Variants in SPATA6L observed in about 807,000 individuals in gnomAD.
SPATA6L encodes spermatogenesis associated 6-like protein.
Under a neutral mutation model 49.2 loss-of-function variants are expected in SPATA6L, and 68 were observed. The ratio of observed to expected loss-of-function variants is 1.38; its 90% CI spans 1.14 to 1.69. The LOEUF (loss-of-function observed/expected upper bound fraction) is 1.69. Among genes scored for constraint, SPATA6L ranks in the 40% most tolerant of loss-of-function variants. The probability of loss-of-function intolerance (pLI) is 0.00; values close to 1 mark genes in which losing one functional copy is unlikely to be tolerated. For synonymous variants in SPATA6L, 198 were observed against 165.7 expected, an observed-to-expected ratio of 1.19 and a Z score of -1.50; for missense variants, 668 against 464.3, an observed-to-expected ratio of 1.44 and a Z score of -4.03.
intron 7 of SPATA6L, among the ~76,000 whole-genome samples, chr9:4,619,985 C>A (rs1168032726): frequency 1.3e-5 from 2 of 152,154 alleles, no homozygotes; most frequent in Non-Finnish European, 2.9e-5. Context: ...CAGGCAATGA[C>A]AAGGGACTTT....
chr9:4,648,198 T>C (rs1017846449), intron 3 of SPATA6L, among the ~76,000 whole-genome samples: 1 of 152,028 alleles, frequency 6.6e-6, no homozygotes, highest in African/African-American at 2.4e-5. Flanking sequence ...CGAAAAAAAT[T>C]TGAATTCATA....
At chr9:4,648,624 C>T (rs1468600432) in intron 3 of SPATA6L, among the ~76,000 whole-genome samples, 6 of 151,652 alleles carry the variant, frequency 4.0e-5, no homozygotes, top group South Asian at 2.1e-4. Flanking sequence ...GGCGTGAACC[C>T]GGGAGGCAGA....
downstream of SPATA6L, among the ~76,000 whole-genome samples, chr9:4,596,961 A>G (rs1207646461): frequency 6.6e-6 from 1 of 152,190 alleles, no homozygotes; most frequent in African/African-American, 2.4e-5. Flanking sequence ...TGAGAATAAG[A>G]ATAGCTAATG....
At chr9:4,637,694 G>A (rs901464092) in intron 3 of SPATA6L, among the ~76,000 whole-genome samples, 4 of 151,536 alleles carry the variant, frequency 2.6e-5, no homozygotes, top group African/African-American at 9.7e-5. Context: ...GATGAGTGGT[G>A]AAGTGCAGCA....
intron 9 of SPATA6L, among the ~76,000 whole-genome samples, chr9:4,614,093 G>A (rs1239663541): frequency 1.3e-5 from 2 of 152,188 alleles, no homozygotes; most frequent in Non-Finnish European, 2.9e-5. Flanking sequence ...TGAGTCAACA[G>A]ATGGGAGCAG....
intron 4 of SPATA6L, chr9:4,633,743 T>C (rs990681660): frequency 2.0e-5 from 3 of 152,376 alleles, no homozygotes; most frequent in African/African-American, 7.2e-5. Context: ...CTCTGTGAGC[T>C]TCTACTTCTG....
At chr9:4,646,376 TTGTA>T (rs1194874883) in intron 3 of SPATA6L, 1 of 613,290 alleles carries the variant, frequency 1.6e-6, no homozygotes, top group Non-Finnish European at 2.7e-6. Flanking sequence ...ACACATAAAG[TTGTA>T]TGTTATTTTC....
chr9:4,628,147 AC>A (rs1830702976), intron 5 of SPATA6L: 1 of 196,442 alleles, frequency 5.1e-6, no homozygotes, highest in South Asian at 7.8e-5. Context: ...GTTAAAGGGC[AC>A]AAAAAAAAAA....
intron 4 of SPATA6L, among the ~76,000 whole-genome samples, chr9:4,631,391 T>C (rs1265060912): frequency 6.6e-6 from 1 of 152,116 alleles, no homozygotes; most frequent in Admixed American, 6.6e-5. Flanking sequence ...ATCTTCTCAT[T>C]GCCTCATAGG....
intron 5 of SPATA6L, chr9:4,626,348 TC>T: frequency 8.0e-7 from 1 of 1,250,168 alleles, no homozygotes; most frequent in African/African-American, 1.6e-5. Context: ...ACAGGAACCT[TC>T]CTCCAAGCTC....
intron 3 of SPATA6L, 31 bp from the exon 4 acceptor site, chr9:4,635,430 C>G: frequency 6.4e-7 from 1 of 1,567,328 alleles, no homozygotes; most frequent in Middle Eastern, 1.7e-4. Context: ...GCATAAATAT[C>G]TGTATTTACA....
At chr9:4,663,177 G>A (rs1308550294) in intron 1 of SPATA6L, 1 of 1,613,998 alleles carries the variant, frequency 6.2e-7, no homozygotes, top group South Asian at 1.1e-5. Flanking sequence ...CTTTTTTCTG[G>A]GCTACATGCA....
At chr9:4,634,115 A>C (rs1483293525) in intron 4 of SPATA6L, among the ~76,000 whole-genome samples, 1 of 152,218 alleles carries the variant, frequency 6.6e-6, no homozygotes, top group East Asian at 1.9e-4. Flanking sequence ...TTTTATCTTG[A>C]TACTTGGCTG....
At chr9:4,616,875 G>A (rs756342029) in intron 9 of SPATA6L, among the ~76,000 whole-genome samples, 5 of 152,142 alleles carry the variant, frequency 3.3e-5, no homozygotes, top group Non-Finnish European at 5.9e-5. Context: ...ATGAGCCACC[G>A]TGCCCAGCCG....
rs1356575788 is a variant in SPATA6L, at chr9:4,598,588, C to T, written c.*2223G>A. On this transcript the variant is annotated 3_prime_UTR_variant, in exon 12 of 12. Transcript: ENST00000682582. The stretch of plus-strand genomic sequence containing the variant: ...AAAAATGACTTTAAATAAGAATGGG[C>T]ATTTAAGATCTTATTAAAGAGTTAT... Among the ~76,000 whole-genome samples, 1 of 152,106 alleles carries T rather than the reference C, an allele frequency of 6.6e-6. No homozygotes were observed. The highest frequency in any genetic ancestry group is 1.9e-4 in the East Asian group (1 of 5,190).
In SPATA6L at chr9:4,626,449, C is replaced by T. The variant is rs28548276; in HGVS notation, c.430-883G>A. ...ACCTTCGAATTCCTGAAGAAGCATC[C>T]AGGAAAGCAGCCCTTCTCCAGAGGT... On this transcript the variant is annotated intron_variant, in intron 5 of 11. Transcript: ENST00000682582. The T allele has an allele frequency of 2.6e-3, 3,351 of 1,304,322 alleles. 58 individuals are homozygous for T. The African/African-American group carries it at 0.038, about 15-fold the overall frequency. 80.8% of individuals were successfully genotyped at this position (1,304,322 alleles called of 1,614,324 possible).
At chr9:4,641,185 A>G (rs1232027615) in intron 3 of SPATA6L, among the ~76,000 whole-genome samples, 1 of 151,096 alleles carries the variant, frequency 6.6e-6, no homozygotes, top group African/African-American at 2.5e-5. Flanking sequence ...TTCAACAACC[A>G]TAAAATATAT....
At chr9:4,648,906 T>G (rs1836131721) in intron 3 of SPATA6L, among the ~76,000 whole-genome samples, 1 of 152,118 alleles carries the variant, frequency 6.6e-6, no homozygotes, top group South Asian at 2.1e-4. Context: ...AGCTCCCACT[T>G]ATGAGTGAGA....
chr9:4,609,653 A>G (rs1451935498), intron 9 of SPATA6L, among the ~76,000 whole-genome samples: 1 of 151,678 alleles, frequency 6.6e-6, no homozygotes, highest in East Asian at 1.9e-4. Context: ...TTTCAAAATA[A>G]TAAGAGCTAT....
Sources: gnomAD v4.1 joint callset for allele counts (sites outside exome capture counted in the v4.1 genomes callset) on GRCh38, gnomAD v4.1.1 for gene constraint, MANE v1.5 for transcripts, NCBI Gene and HGNC (gene_info 2026-07-23, HGNC 2026-07-21) for gene names.